TSNARE1: variants seen among roughly 807,000 people sequenced by gnomAD.
The protein encoded by TSNARE1 is t-SNARE domain-containing protein 1.
A neutral mutation model predicts 62.0 loss-of-function variants in TSNARE1; 49 were observed. That is an observed-to-expected ratio of 0.79 (90% CI 0.63 to 1.00). The LOEUF is 1.00. Ranked by LOEUF, TSNARE1 falls within the 50% of genes least tolerant of loss-of-function variation. The pLI is 0.00. For missense variants in TSNARE1, 755 were observed against 700.1 expected (o/e 1.08, Z -0.88); for synonymous variants, 328 against 294.4 (o/e 1.11, Z -1.17).
chr8:142,241,924 C>A (rs1305456770), intron 12 of TSNARE1, among the ~76,000 whole-genome samples: 1 of 147,636 alleles, frequency 6.8e-6, no homozygotes, highest in Admixed American at 6.9e-5. Context: ...ACGCCATATA[C>A]AACAATCAAC....
intron 12 of TSNARE1, among the ~76,000 whole-genome samples, chr8:142,241,331 A>C (rs1817660148): frequency 1.3e-5 from 2 of 152,336 alleles, no homozygotes; most frequent in South Asian, 4.1e-4. Flanking sequence ...ATACAATGAA[A>C]ATTACAAAAC....
intron 13 of TSNARE1, among the ~76,000 whole-genome samples, chr8:142,219,860 G>A (rs1438509418): frequency 6.6e-6 from 1 of 152,228 alleles, no homozygotes; most frequent in Non-Finnish European, 1.5e-5. Context: ...CAACCCATGG[G>A]CTGCTGTGTG....
chr8:142,355,507 C>T (rs1834653451), intron 1 of TSNARE1, among the ~76,000 whole-genome samples: 1 of 152,174 alleles, frequency 6.6e-6, no homozygotes, highest in Non-Finnish European at 1.5e-5. Context: ...GCTGGGCATC[C>T]CGCCCAAACC....
At chr8:142,216,180 C>T (rs558927951) in intron 13 of TSNARE1, among the ~76,000 whole-genome samples, 34 of 152,318 alleles carry the variant, frequency 2.2e-4, no homozygotes, top group African/African-American at 7.7e-4. Flanking sequence ...CCCCAGGGCC[C>T]GGTGTAGAAG....
intron 1 of TSNARE1, among the ~76,000 whole-genome samples, chr8:142,376,478 A>G (rs1836351967): frequency 6.6e-6 from 1 of 152,130 alleles, no homozygotes. Flanking sequence ...CCCCTGAGAG[A>G]GCTCCGGCCG....
chr8:142,388,501 T>TAAAAAAAAAA (rs34348082), intron 1 of TSNARE1, among the ~76,000 whole-genome samples: 1 of 68,832 alleles, frequency 1.5e-5, no homozygotes, highest in Non-Finnish European at 3.0e-5. Context: ...GATAATGAAC[T>TAAAAAAAAAA]AAAAAAAAAA....
chr8:142,343,571 C>T lies in TSNARE1; in HGVS notation c.745+395G>A, dbSNP rs577307499. Among the ~76,000 whole-genome samples, 7 of 151,682 alleles carry T rather than the reference C, an allele frequency of 4.6e-5. No individual in the cohort carries two copies. In the South Asian group the frequency reaches 6.3e-4, roughly 14 times the overall value. ...CTGCATGCTCAGCTCCGCTCTAGGA[C>T]GCGGTGAGGGACAGGCCAAGTCAAA... On this transcript the variant is annotated intron_variant, in intron 4 of 13. Coordinates refer to ENST00000524325, the MANE Select transcript of TSNARE1 (RefSeq NM_145003.5).
intron 9 of TSNARE1, among the ~76,000 whole-genome samples, chr8:142,303,518 C>G (rs1002101972): frequency 1.3e-5 from 2 of 152,242 alleles, no homozygotes; most frequent in South Asian, 4.1e-4. Flanking sequence ...TCCGCCCCGT[C>G]TCACATGCTT....
At chr8:142,330,822 C>T (rs1290888198) in intron 6 of TSNARE1, 79 bp downstream of exon 6, 2 of 1,461,874 alleles carry the variant, frequency 1.4e-6, no homozygotes, top group Middle Eastern at 1.7e-4. Context: ...CCCGTGTGCA[C>T]AGGAGGACCA....
chr8:142,312,584 G>A (rs1046293270), intron 9 of TSNARE1, among the ~76,000 whole-genome samples: 3 of 152,056 alleles, frequency 2.0e-5, no homozygotes, highest in African/African-American at 4.8e-5. Flanking sequence ...TCCAACTTTC[G>A]TCTTCTTAGT....
At chr8:142,369,823 C>T (rs575348916) in intron 1 of TSNARE1, among the ~76,000 whole-genome samples, 17 of 152,198 alleles carry the variant, frequency 1.1e-4, no homozygotes, top group Non-Finnish European at 2.4e-4. Context: ...ACCTACCAGA[C>T]GTTATCAAAC....
At chr8:142,290,489 A>G (rs1823571484) in intron 10 of TSNARE1, among the ~76,000 whole-genome samples, 1 of 152,212 alleles carries the variant, frequency 6.6e-6, no homozygotes, top group Admixed American at 6.5e-5. Context: ...GAGACATAAT[A>G]AAACCTTGGT....
At chr8:142,222,967 T>TCCACTCATCCACTCAC (rs1563756356) in intron 13 of TSNARE1, among the ~76,000 whole-genome samples, 1 of 129,046 alleles carries the variant, frequency 7.7e-6, no homozygotes, top group African/African-American at 2.9e-5. Context: ...CACTCACTCA[T>TCCACTCATCCACTCAC]TCACTCACTC....
chr8:142,216,072 G>C (rs922754979), intron 13 of TSNARE1, among the ~76,000 whole-genome samples: 1 of 152,152 alleles, frequency 6.6e-6, no homozygotes, highest in Non-Finnish European at 1.5e-5. Flanking sequence ...AGGGGGAAAG[G>C]TTCCCATGGC....
intron 10 of TSNARE1, among the ~76,000 whole-genome samples, chr8:142,290,921 G>A (rs945773462): frequency 4.6e-5 from 7 of 152,348 alleles, no homozygotes; most frequent in Middle Eastern, 3.4e-3. Flanking sequence ...TGGGCTTGGC[G>A]AGGGAAGCCC....
intron 11 of TSNARE1, chr8:142,277,435 C>A: frequency 1.0e-6 from 1 of 985,408 alleles, no homozygotes; most frequent in Non-Finnish European, 1.2e-6. Context: ...GCCCCACAGC[C>A]GTGACCAGCC....
intron 1 of TSNARE1, among the ~76,000 whole-genome samples, chr8:142,396,388 G>A (rs936986068): frequency 1.3e-5 from 2 of 152,034 alleles, no homozygotes; most frequent in Non-Finnish European, 2.9e-5. Flanking sequence ...CAAGAATCTT[G>A]AGCTCCGCCC....
intron 1 of TSNARE1, among the ~76,000 whole-genome samples, chr8:142,385,622 A>G (rs898912812): frequency 6.6e-6 from 1 of 152,216 alleles, no homozygotes; most frequent in Non-Finnish European, 1.5e-5. Context: ...GAGTCAAAGG[A>G]TATCATTTAA....
chr8:142,288,983 A>G (rs1041164036), intron 10 of TSNARE1, among the ~76,000 whole-genome samples: 1 of 151,836 alleles, frequency 6.6e-6, no homozygotes, highest in Non-Finnish European at 1.5e-5. Context: ...AGAGGTTCCC[A>G]CTCCCTGACC....
Sources: allele counts gnomAD v4.1 joint callset (sites outside exome capture counted in the v4.1 genomes callset), GRCh38; gene constraint gnomAD v4.1.1; transcripts MANE v1.5; gene names NCBI Gene and HGNC (gene_info 2026-07-23, HGNC 2026-07-21).